Variants in PTPRD observed in about 807,000 individuals in gnomAD.
PTPRD encodes receptor-type tyrosine-protein phosphatase delta.
PTPRD carries 34 observed loss-of-function variants against 214.5 expected under a neutral mutation model. That is an observed-to-expected ratio of 0.16 (90% CI 0.12 to 0.21). The LOEUF is 0.21. PTPRD is among the 10% of genes least tolerant of loss of function. The pLI, the probability that PTPRD is intolerant of heterozygous loss-of-function variation, is 1.00. For missense variants in PTPRD, 2,545 were observed against 2,398.7 expected (o/e 1.06, Z -1.27); for synonymous variants, 1,128 against 845.7 (o/e 1.33, Z -5.79).
chr9:10,326,414 T>C (rs996576610), intron 3 of PTPRD, among the ~76,000 whole-genome samples: 3 of 151,760 alleles, frequency 2.0e-5, no homozygotes, highest in Admixed American at 6.6e-5. Flanking sequence ...AAGTACCTTA[T>C]AGTACAGAAT....
At chr9:10,336,702 G>C (rs2096850045) in intron 3 of PTPRD, among the ~76,000 whole-genome samples, 1 of 151,190 alleles carries the variant, frequency 6.6e-6, no homozygotes, top group Admixed American at 6.6e-5. Context: ...ATCGAGGAGG[G>C]GAGACAAAAA....
chr9:10,501,770 G>T (rs1213543708), intron 2 of PTPRD, among the ~76,000 whole-genome samples: 2 of 151,964 alleles, frequency 1.3e-5, no homozygotes, highest in Admixed American at 1.3e-4. Flanking sequence ...TCGTCTCTCA[G>T]ATTCAAGTTA....
intron 11 of PTPRD, among the ~76,000 whole-genome samples, chr9:8,978,802 A>C (rs999940885): frequency 4.6e-5 from 7 of 152,128 alleles, no homozygotes; most frequent in Non-Finnish European, 1.5e-5. Context: ...GAGGCTCAGA[A>C]AACGAAAAGG....
chr9:10,437,359 C>T (rs1588160145), intron 2 of PTPRD, among the ~76,000 whole-genome samples: 2 of 151,900 alleles, frequency 1.3e-5, no homozygotes, highest in East Asian at 1.9e-4. Context: ...AGCTTTTTCC[C>T]TCCTGAGTTT....
At chr9:10,106,982 G>C (rs964321547) in intron 3 of PTPRD, among the ~76,000 whole-genome samples, 3 of 151,826 alleles carry the variant, frequency 2.0e-5, no homozygotes. Flanking sequence ...TAAAGGATGA[G>C]ATATTAACAA....
At chr9:8,925,717 C>T (rs1036851971) in intron 11 of PTPRD, among the ~76,000 whole-genome samples, 7 of 151,610 alleles carry the variant, frequency 4.6e-5, no homozygotes, top group Non-Finnish European at 7.4e-5. Flanking sequence ...CACCTCTAGG[C>T]ACCGAGTACT....
At chr9:9,267,591 A>G (rs1287156400) in intron 9 of PTPRD, among the ~76,000 whole-genome samples, 1 of 151,208 alleles carries the variant, frequency 6.6e-6, no homozygotes, top group Non-Finnish European at 1.5e-5. Context: ...AGAAAATTAC[A>G]AGCCAATATC....
chr9:10,458,618 T>C (rs1246561416), intron 2 of PTPRD, among the ~76,000 whole-genome samples: 1 of 152,178 alleles, frequency 6.6e-6, no homozygotes, highest in Non-Finnish European at 1.5e-5. Flanking sequence ...AAGCTTTTCC[T>C]TTAACATCTG....
chr9:10,493,986 C>A (rs1566499178), intron 2 of PTPRD, among the ~76,000 whole-genome samples: 1 of 151,824 alleles, frequency 6.6e-6, no homozygotes, highest in African/African-American at 2.4e-5. Flanking sequence ...CAACATTAAT[C>A]TTTATGTTTC....
intron 8 of PTPRD, among the ~76,000 whole-genome samples, chr9:9,499,676 T>C (rs1007553605): frequency 6.6e-6 from 1 of 152,038 alleles, no homozygotes; most frequent in Non-Finnish European, 1.5e-5. Flanking sequence ...ACAGCCTGTT[T>C]CTTCTCACAG....
At chr9:8,797,538 T>C (rs966279452) in intron 11 of PTPRD, among the ~76,000 whole-genome samples, 1 of 152,204 alleles carries the variant, frequency 6.6e-6, no homozygotes, top group African/African-American at 2.4e-5. Flanking sequence ...CGCCTTGCCC[T>C]TGAGATCCCT....
At chr9:9,852,373 C>T (rs1294225933) in intron 5 of PTPRD, among the ~76,000 whole-genome samples, 2 of 151,376 alleles carry the variant, frequency 1.3e-5, no homozygotes, top group Admixed American at 1.3e-4. Flanking sequence ...CGAAAGCTAC[C>T]CAGACATAAA....
intron 11 of PTPRD, among the ~76,000 whole-genome samples, chr9:8,753,013 TA>T (rs2093672106): frequency 6.6e-6 from 1 of 152,242 alleles, no homozygotes; most frequent in African/African-American, 2.4e-5. Context: ...TACCCTACTT[TA>T]AATACTCAGG....
At chr9:8,544,164 CTTTTT>C (rs373194856) in intron 14 of PTPRD, among the ~76,000 whole-genome samples, 10 of 111,126 alleles carry the variant, frequency 9.0e-5, no homozygotes, top group East Asian at 7.7e-4. Flanking sequence ...TTTGCCATTA[CTTTTT>C]TTTTTTTTTT....
chr9:9,933,025 G>T (rs1386424707), intron 5 of PTPRD, among the ~76,000 whole-genome samples: 1 of 151,832 alleles, frequency 6.6e-6, no homozygotes, highest in Admixed American at 6.6e-5. Context: ...ACAAGCAAAT[G>T]TTGAGAGATT....
chr9:9,568,652 G>A (rs146250831), intron 8 of PTPRD, among the ~76,000 whole-genome samples: 139 of 151,902 alleles, frequency 9.2e-4, no homozygotes, highest in Middle Eastern at 6.8e-3. Context: ...CCTCTATGAC[G>A]TTTACACATT....
intron 5 of PTPRD, among the ~76,000 whole-genome samples, chr9:9,841,306 A>G (rs2058278597): frequency 6.6e-6 from 1 of 152,182 alleles, no homozygotes; most frequent in South Asian, 2.1e-4. Context: ...GGGCTGATGA[A>G]TCACTGAGTC....
chr9:10,014,787 T>A (rs984369324), intron 4 of PTPRD, among the ~76,000 whole-genome samples: 2 of 152,036 alleles, frequency 1.3e-5, no homozygotes, highest in Non-Finnish European at 2.9e-5. Context: ...AAATCTGTAT[T>A]GCAACAAAAG....
At chr9:9,320,115 T>A (rs557311778) in intron 9 of PTPRD, among the ~76,000 whole-genome samples, 63 of 152,290 alleles carry the variant, frequency 4.1e-4, no homozygotes, top group Non-Finnish European at 6.6e-4. Context: ...AAAAATCAAC[T>A]CAAATTTAGG....
Sources: allele counts gnomAD v4.1 joint callset (sites outside exome capture counted in the v4.1 genomes callset), GRCh38; gene constraint gnomAD v4.1.1; transcripts MANE v1.5; gene names NCBI Gene and HGNC (gene_info 2026-07-23, HGNC 2026-07-21).